The following DAB1 variants were observed in gnomAD, a reference collection of about 807,000 sequenced individuals.
The protein encoded by DAB1 is disabled homolog 1.
Under a neutral mutation model 64.6 loss-of-function variants are expected in DAB1, and 15 were observed. The ratio of observed to expected loss-of-function variants is 0.23; its 90% CI spans 0.16 to 0.36. The LOEUF (loss-of-function observed/expected upper bound fraction) is 0.36. DAB1 is among the 10% of genes least tolerant of loss of function. The pLI is 1.00. For missense variants in DAB1, 596 were observed against 706.7 expected (o/e 0.84, Z 1.78); for synonymous variants, 235 against 251.9 (o/e 0.93, Z 0.64).
intron 6 of DAB1, among the ~76,000 whole-genome samples, chr1:57,701,968 G>C (rs1289924157): frequency 6.6e-6 from 1 of 152,186 alleles, no homozygotes; most frequent in Non-Finnish European, 1.5e-5. Context: ...CTTGATCTGA[G>C]AGCTTACATA....
intron 3 of DAB1, among the ~76,000 whole-genome samples, chr1:58,382,869 T>G (rs1644402056): frequency 6.6e-6 from 1 of 152,022 alleles, no homozygotes; most frequent in African/African-American, 2.4e-5. Context: ...CAGACCTGAG[T>G]TTTACCCAGC....
rs149856540 is a variant in DAB1 at position 58,013,542 on chromosome 1, C to T, written n.388-129380G>A. 2.8e-4 allele frequency among the ~76,000 whole-genome samples: 42 copies of T among 152,308 alleles called. No homozygotes were observed. The East Asian group carries it at 5.6e-3, about 20-fold the overall frequency. On this transcript the variant is annotated intron_variant and non_coding_transcript_variant, in intron 5 of 20. Coordinates refer to the DAB1 transcript ENST00000485760. Reference sequence around the variant, plus strand: ...TACACTTGTGTCAATTCCTTCATTACGACACGAGTGGTCATCCCTAGCAAA... The same window carrying T: ...TACACTTGTGTCAATTCCTTCATTATGACACGAGTGGTCATCCCTAGCAAA...
chr1:57,227,633 T>C (rs938841462), intron 2 of DAB1, among the ~76,000 whole-genome samples: 5 of 151,632 alleles, frequency 3.3e-5, no homozygotes, highest in Admixed American at 3.3e-4. Context: ...CTCGGTTCAC[T>C]GCAACCTCCA....
intron 4 of DAB1, among the ~76,000 whole-genome samples, chr1:58,252,338 C>T (rs1660822407): frequency 6.6e-6 from 1 of 152,184 alleles, no homozygotes; most frequent in Non-Finnish European, 1.5e-5. Context: ...AAGCAGGAAA[C>T]ATTTCGAGCA....
intron 7 of DAB1, among the ~76,000 whole-genome samples, chr1:57,576,464 G>A (rs1053166108): frequency 6.6e-6 from 1 of 152,202 alleles, no homozygotes; most frequent in African/African-American, 2.4e-5. Flanking sequence ...GACTCAGGGA[G>A]AAGACGACCA....
intron 3 of DAB1, among the ~76,000 whole-genome samples, chr1:58,398,504 A>T (rs540377031): frequency 6.6e-6 from 1 of 152,246 alleles, no homozygotes; most frequent in East Asian, 1.9e-4. Context: ...CTGTTTTCAC[A>T]TCTGTACCCA....
intron 5 of DAB1, among the ~76,000 whole-genome samples, chr1:57,943,500 C>T (rs1645133870): frequency 6.6e-6 from 1 of 152,154 alleles, no homozygotes; most frequent in African/African-American, 2.4e-5. Flanking sequence ...TTGGCCTTGC[C>T]CTCTAAATAA....
intron 4 of DAB1, among the ~76,000 whole-genome samples, chr1:58,227,334 A>G (rs553070105): frequency 6.6e-6 from 1 of 152,296 alleles, no homozygotes; most frequent in African/African-American, 2.4e-5. Context: ...TGAATGGAGG[A>G]AGCAAAACTC....
At chr1:57,699,902 A>G (rs1349253951) in intron 6 of DAB1, among the ~76,000 whole-genome samples, 1 of 152,180 alleles carries the variant, frequency 6.6e-6, no homozygotes, top group Non-Finnish European at 1.5e-5. Context: ...ACAGAGTGAG[A>G]GTCCATCTCA....
chr1:57,814,043 T>C (rs1651746146), intron 6 of DAB1, among the ~76,000 whole-genome samples: 1 of 152,236 alleles, frequency 6.6e-6, no homozygotes, highest in African/African-American at 2.4e-5. Context: ...CTTCTTAAGA[T>C]AAACAGCCAA....
At chr1:57,089,186 T>C (rs568068153) in intron 4 of DAB1, among the ~76,000 whole-genome samples, 1 of 152,346 alleles carries the variant, frequency 6.6e-6, no homozygotes, top group South Asian at 2.1e-4. Flanking sequence ...GCTTAATAAA[T>C]GTTATATTGT....
intron 5 of DAB1, among the ~76,000 whole-genome samples, chr1:57,985,620 C>T (rs1055200467): frequency 4.7e-5 from 7 of 147,904 alleles, no homozygotes; most frequent in Middle Eastern, 6.8e-3. Flanking sequence ...CAACGTGGTC[C>T]CTGACTCACA....
At chr1:57,744,346 C>T (rs1648158194) in intron 6 of DAB1, among the ~76,000 whole-genome samples, 1 of 152,022 alleles carries the variant, frequency 6.6e-6, no homozygotes, top group Admixed American at 6.5e-5. Context: ...CTCAGAGTCT[C>T]CTCTGAAAGA....
At chr1:57,258,540 C>G (rs758963282) in intron 2 of DAB1, among the ~76,000 whole-genome samples, 2 of 152,204 alleles carry the variant, frequency 1.3e-5, no homozygotes, top group South Asian at 2.1e-4. Context: ...TGTAACACAT[C>G]GAGATCATGA....
intron 6 of DAB1, among the ~76,000 whole-genome samples, chr1:57,684,440 T>C (rs2101702809): frequency 6.6e-6 from 1 of 152,196 alleles, no homozygotes; most frequent in South Asian, 2.1e-4. Flanking sequence ...CAGCAGAAAC[T>C]TTAAAAACCA....
At chr1:58,243,921 A>G (rs1238784852) in intron 4 of DAB1, among the ~76,000 whole-genome samples, 1 of 152,144 alleles carries the variant, frequency 6.6e-6, no homozygotes, top group Non-Finnish European at 1.5e-5. Context: ...CCTTCTGTGC[A>G]TAGGGTTGAC....
chr1:57,242,249 A>G (rs1304264782), intron 2 of DAB1, among the ~76,000 whole-genome samples: 1 of 152,198 alleles, frequency 6.6e-6, no homozygotes, highest in Non-Finnish European at 1.5e-5. Context: ...AAACATCTTT[A>G]TAGTTTTTTT....
intron 2 of DAB1, among the ~76,000 whole-genome samples, chr1:57,184,097 C>T (rs542542559): frequency 1.3e-5 from 2 of 152,220 alleles, no homozygotes; most frequent in East Asian, 3.9e-4. Flanking sequence ...GAATTAAGAG[C>T]CCATTATATG....
intron 2 of DAB1, among the ~76,000 whole-genome samples, chr1:57,166,501 G>C (rs1180853662): frequency 6.6e-6 from 1 of 152,114 alleles, no homozygotes; most frequent in Non-Finnish European, 1.5e-5. Context: ...CAGAACAATA[G>C]AAGTCATGGC....
Sources: gnomAD v4.1 joint callset for allele counts (sites outside exome capture counted in the v4.1 genomes callset) on GRCh38, gnomAD v4.1.1 for gene constraint, MANE v1.5 for transcripts, NCBI Gene and HGNC (gene_info 2026-07-23, HGNC 2026-07-21) for gene names.